The following DOCK10 variants were observed in gnomAD, a reference collection of about 807,000 sequenced individuals.
The protein encoded by DOCK10 is dedicator of cytokinesis 10, also known as dedicator of cytokinesis protein 10.
Under a neutral mutation model 280.1 loss-of-function variants are expected in DOCK10, and 145 were observed. The observed-to-expected ratio is 0.52, with a 90% confidence interval of 0.45 to 0.59. The LOEUF (loss-of-function observed/expected upper bound fraction) is 0.59, where lower values mean the gene tolerates loss of function less well. DOCK10 is among the 20% of genes least tolerant of loss of function. The pLI is 0.00. For synonymous variants in DOCK10, 915 were observed against 942.2 expected (o/e 0.97, Z 0.53); for missense variants, 2,368 against 2,651.7 (o/e 0.89, Z 2.35).
At chr2:224,906,333 T>C (rs1030280400) in intron 3 of DOCK10, among the ~76,000 whole-genome samples, 1 of 152,214 alleles carries the variant, frequency 6.6e-6, no homozygotes, top group Non-Finnish European at 1.5e-5. Context: ...ATCTGGACTA[T>C]TAAAACAAAT....
intron 15 of DOCK10, 21 bp from the exon 16 acceptor site, chr2:224,855,063 G>GCACACA (rs1559570256): frequency 1.5e-6 from 1 of 663,162 alleles, no homozygotes; most frequent in Non-Finnish European, 2.2e-6. Context: ...GCATGAGCAA[G>GCACACA]GACACACACA....
intron 31 of DOCK10, among the ~76,000 whole-genome samples, chr2:224,809,007 G>A (rs1559459959): frequency 6.6e-6 from 1 of 151,954 alleles, no homozygotes; most frequent in African/African-American, 2.4e-5. Flanking sequence ...GAGAGAAATG[G>A]CACTGCCAAA....
At chr2:224,892,397 C>CAAAAAAAAAAAAAAAAAAAAAAAA (rs1174651393) in intron 4 of DOCK10, among the ~76,000 whole-genome samples, 6 of 52,246 alleles carry the variant, frequency 1.1e-4, no homozygotes, top group Admixed American at 2.9e-4. Context: ...GACCCTGTCT[C>CAAAAAAAAAAAAAAAAAAAAAAAA]AAAAAAAAAA....
Position 224,805,575 on chromosome 2 carries a change from GCA to G in DOCK10, c.3815-48_3815-47del, listed in dbSNP as rs199861725. Reference sequence around the variant, plus strand: ...ACACGTATGGGAATGAGATGTATGGGCACACACACACAAAAGGTTCACATGAT... The same window carrying G: ...ACACGTATGGGAATGAGATGTATGGGCACACACACAAAAGGTTCACATGAT... On this transcript the variant is annotated intron_variant, in intron 34 of 55. Coordinates refer to ENST00000258390, the MANE Select transcript of DOCK10 (RefSeq NM_014689.3). This position sits in a 1 kb window ranked among gnomAD's most constrained non-coding sequence, Gnocchi z 4.3. 1.4e-5 allele frequency: 22 copies of G among 1,604,674 alleles called. No homozygotes were observed. The highest frequency in any genetic ancestry group is 1.8e-4 in the Middle Eastern group (1 of 5,690).
intron 31 of DOCK10, among the ~76,000 whole-genome samples, chr2:224,808,910 C>T (rs1177076924): frequency 1.3e-5 from 2 of 151,930 alleles, no homozygotes; most frequent in African/African-American, 4.8e-5. Flanking sequence ...CAAGTGACAA[C>T]GTGATATCTG....
intron 1 of DOCK10, among the ~76,000 whole-genome samples, chr2:225,022,051 A>G (rs1341648386): frequency 6.6e-6 from 1 of 152,200 alleles, no homozygotes. Flanking sequence ...TCTGTATTCA[A>G]TAACATTATA....
intron 25 of DOCK10, among the ~76,000 whole-genome samples, 189 bp from the exon 26 acceptor site, chr2:224,834,452 C>G (rs1695468630): frequency 6.6e-6 from 1 of 152,168 alleles, no homozygotes; most frequent in South Asian, 2.1e-4. Flanking sequence ...GAAGTAGGGC[C>G]TTGCTCACCT....
intron 1 of DOCK10, among the ~76,000 whole-genome samples, chr2:224,999,245 TCTCTC>T (rs1197649953): frequency 3.6e-5 from 5 of 139,058 alleles, no homozygotes; most frequent in African/African-American, 1.6e-4. Flanking sequence ...TCTCTGTCTC[TCTCTC>T]TTTTTTTTTT....
At chr2:224,889,815 T>C (rs992796759) in intron 4 of DOCK10, among the ~76,000 whole-genome samples, 2 of 152,326 alleles carry the variant, frequency 1.3e-5, no homozygotes, top group African/African-American at 4.8e-5. Context: ...TTTAATTTGA[T>C]TGGCAAAAAT....
intron 1 of DOCK10, among the ~76,000 whole-genome samples, chr2:224,994,791 C>T (rs911956453): frequency 6.6e-6 from 1 of 152,238 alleles, no homozygotes; most frequent in African/African-American, 2.4e-5. Context: ...CACTTACACA[C>T]ACAATGCATA....
At chr2:224,775,313 G>A (rs891403048) in intron 51 of DOCK10, among the ~76,000 whole-genome samples, 198 bp from the exon 52 acceptor site, 1 of 152,204 alleles carries the variant, frequency 6.6e-6, no homozygotes, top group Non-Finnish European at 1.5e-5. Context: ...AGCCAGGTCT[G>A]TAGGGGTGGA....
At chr2:224,969,921 G>A (rs1704990926) in intron 1 of DOCK10, among the ~76,000 whole-genome samples, 1 of 152,090 alleles carries the variant, frequency 6.6e-6, no homozygotes, top group African/African-American at 2.4e-5. Flanking sequence ...CCTGCTCGAG[G>A]AGCCTCTTCC....
chr2:224,825,181 T>C (rs1352126946), intron 27 of DOCK10, among the ~76,000 whole-genome samples: 1 of 152,050 alleles, frequency 6.6e-6, no homozygotes, highest in African/African-American at 2.4e-5. Flanking sequence ...GGTTTCACCA[T>C]CTTGGCCAGG....
intron 1 of DOCK10, among the ~76,000 whole-genome samples, chr2:224,955,469 C>T (rs981054274): frequency 2.2e-4 from 34 of 152,168 alleles, no homozygotes; most frequent in Admixed American, 2.6e-4. Flanking sequence ...TCTAGACCAA[C>T]AATTTATTGC....
At chr2:224,920,582 A>G (rs1256347482) in intron 2 of DOCK10, among the ~76,000 whole-genome samples, 1 of 115,250 alleles carries the variant, frequency 8.7e-6, no homozygotes, top group African/African-American at 2.9e-5. Context: ...TGGATAATTT[A>G]CAGATATATG....
At chr2:224,792,879 C>CT in intron 47 of DOCK10, 95 bp downstream of exon 47, 1 of 955,244 alleles carries the variant, frequency 1.0e-6, no homozygotes, top group Non-Finnish European at 1.6e-6. Context: ...GTTTTTGCTT[C>CT]TAAGAATATA....
Position 224,819,530 on chromosome 2 carries a change from C to T in DOCK10, c.3184-1G>A, listed in dbSNP as rs1465751004. ...CTCGGTCCATAAATGTAAAGCAGCG[C>T]TAAAATAGATAAAATTCTAAATTTA... On this transcript the variant is annotated splice_acceptor_variant, in intron 28 of 55. Transcript: ENST00000258390. LOFTEE classifies it high-confidence loss of function. The T allele has an allele frequency of 6.4e-7, 1 of 1,573,974 alleles. No homozygotes were observed. Among genetic ancestry groups the T allele is most frequent in the South Asian group, 1.2e-5 (1 of 83,372 alleles).
At chr2:224,978,703 G>A (rs934635101) in intron 1 of DOCK10, among the ~76,000 whole-genome samples, 2 of 152,210 alleles carry the variant, frequency 1.3e-5, no homozygotes, top group Non-Finnish European at 2.9e-5. Flanking sequence ...TTTATCAATC[G>A]GTTATTGATG....
At position 224,854,970 on chromosome 2, in the gene DOCK10, C is replaced by T; in HGVS notation, c.1881G>A (p.Glu627=). 1.2e-6 allele frequency: 2 copies of T among 1,607,248 alleles called. No homozygotes were observed. The highest frequency in any genetic ancestry group is 2.2e-5 in the East Asian group (1 of 44,718). ...LDIAVDNVPL[E]HPNCVTSSFI... The stretch of plus-strand genomic sequence containing the variant: ...ATGACATCATCATCATACTTGGATG[C>T]TCCAAGGGAACGTTGTCAACAGCAA... Residue 627 remains glutamate (E), a synonymous_variant, in exon 16 of 56, where the codon GAG becomes GAA. Coordinates refer to ENST00000258390, the MANE Select transcript of DOCK10 (RefSeq NM_014689.3).
Sources: gnomAD v4.1 joint callset for allele counts (sites outside exome capture counted in the v4.1 genomes callset) on GRCh38, gnomAD v4.1.1 for gene constraint, Gnocchi (gnomAD v3.1) non-coding constraint, MANE v1.5 for transcripts, NCBI Gene and HGNC (gene_info 2026-07-23, HGNC 2026-07-21) for gene names.